Variants in BBS9 observed in about 807,000 individuals in gnomAD.
The protein encoded by BBS9 is protein PTHB1.
In BBS9, 89 loss-of-function variants were observed where a neutral mutation model predicts 117.7. The observed-to-expected ratio is 0.76, with a 90% CI of 0.64 to 0.90. BBS9 has a LOEUF of 0.90. BBS9 is among the 40% of genes least tolerant of loss of function. The pLI is 0.00. For synonymous variants in BBS9, 379 were observed against 370.9 expected (o/e 1.02, Z -0.25); for missense variants, 982 against 1,042.2 (o/e 0.94, Z 0.80).
chr7:33,579,350 A>T (rs1424176723), intron 21 of BBS9, among the ~76,000 whole-genome samples: 1 of 152,168 alleles, frequency 6.6e-6, no homozygotes, highest in African/African-American at 2.4e-5. Flanking sequence ...TAGTATTGCC[A>T]GGTCTTAGGG....
intron 21 of BBS9, among the ~76,000 whole-genome samples, chr7:33,580,664 T>A (rs1001652759): frequency 1.3e-5 from 2 of 152,140 alleles, no homozygotes; most frequent in Non-Finnish European, 2.9e-5. Flanking sequence ...ATAATTTCAC[T>A]GAGGAGAAAT....
rs147788117 is a variant in BBS9, at chr7:33,520,144, G to A, written c.2299-13810G>A. 2.1e-3 allele frequency among the ~76,000 whole-genome samples: 320 copies of A among 152,014 alleles called. 1 individual carries two copies. Among genetic ancestry groups the A allele is most frequent in the African/African-American group, 7.3e-3 (303 of 41,464 alleles). On this transcript the variant is annotated intron_variant, in intron 20 of 22. Transcript: ENST00000242067. ...CTGCCTCAGCCTCTTGAGTAGCTGGGATTACAGGCACCTGACACTGCACCC... is the reference window on the plus strand; with the variant it reads ...CTGCCTCAGCCTCTTGAGTAGCTGGAATTACAGGCACCTGACACTGCACCC...
intron 1 of BBS9, among the ~76,000 whole-genome samples, chr7:33,140,313 C>A (rs1466152192): frequency 2.0e-5 from 3 of 152,124 alleles, no homozygotes; most frequent in Admixed American, 1.3e-4. Context: ...CATGAGCCAC[C>A]GCACCCAGCC....
At chr7:33,226,214 A>G (rs1433142328) in intron 5 of BBS9, among the ~76,000 whole-genome samples, 1 of 152,158 alleles carries the variant, frequency 6.6e-6, no homozygotes, top group Non-Finnish European at 1.5e-5. Flanking sequence ...AAAATTTCTC[A>G]TCTCTATAGT....
intron 21 of BBS9, among the ~76,000 whole-genome samples, chr7:33,586,114 G>T (rs957992442): frequency 6.6e-6 from 1 of 151,980 alleles, no homozygotes; most frequent in Non-Finnish European, 1.5e-5. Flanking sequence ...TGGGTAATTT[G>T]CCCGGGAGCT....
intron 1 of BBS9, among the ~76,000 whole-genome samples, chr7:33,132,879 T>G (rs1242206461): frequency 6.6e-6 from 1 of 152,238 alleles, no homozygotes; most frequent in Admixed American, 6.5e-5. Flanking sequence ...GGGCAGAATT[T>G]ATTTTGCTGA....
intron 2 of BBS9, 32 bp from the exon 3 acceptor site, chr7:33,152,669 C>T: frequency 1.9e-6 from 3 of 1,571,516 alleles, no homozygotes; most frequent in Non-Finnish European, 2.6e-6. Flanking sequence ...TTTGTTTCTC[C>T]CTCTATCTTT....
intron 21 of BBS9, among the ~76,000 whole-genome samples, chr7:33,628,989 T>C (rs1865766232): frequency 1.3e-5 from 2 of 152,232 alleles, no homozygotes; most frequent in Admixed American, 6.5e-5. Context: ...CAGAGAACCA[T>C]GAGCATGAGG....
intron 4 of BBS9, among the ~76,000 whole-genome samples, chr7:33,166,469 A>C (rs1033697646): frequency 1.3e-5 from 2 of 152,242 alleles, no homozygotes; most frequent in Non-Finnish European, 2.9e-5. Context: ...CCAGAGGTGG[A>C]GTCTACAGAG....
At chr7:33,371,594 G>A (rs1395427869) in intron 17 of BBS9, among the ~76,000 whole-genome samples, 2 of 152,156 alleles carry the variant, frequency 1.3e-5, no homozygotes, top group African/African-American at 4.8e-5. Flanking sequence ...GGGATGGGAT[G>A]CAGAAGCTTG....
At chr7:33,490,436 C>T (rs6964756) in intron 19 of BBS9, among the ~76,000 whole-genome samples, 87,228 of 152,028 alleles carry the variant, frequency 0.57, 26,989 homozygotes, top group African/African-American at 0.82. Context: ...TGTCATGTCC[C>T]TTTTTGTTTA....
At chr7:33,428,315 G>A (rs370111056) in intron 19 of BBS9, among the ~76,000 whole-genome samples, 37 of 152,230 alleles carry the variant, frequency 2.4e-4, no homozygotes, top group South Asian at 1.9e-3. Context: ...TCAATATGCC[G>A]AATTCAAATA....
At chr7:33,303,526 C>CCA (rs141879905) in intron 9 of BBS9, among the ~76,000 whole-genome samples, 11,381 of 115,500 alleles carry the variant, frequency 0.099, 1,305 homozygotes, top group South Asian at 0.17. Flanking sequence ...ATCCCCTCCC[C>CCA]CCGCCCCTTC....
At chr7:33,441,334 A>G (rs1360428451) in intron 19 of BBS9, among the ~76,000 whole-genome samples, 1 of 152,110 alleles carries the variant, frequency 6.6e-6, no homozygotes, top group Non-Finnish European at 1.5e-5. Context: ...AATCTTTCAA[A>G]TCTTGGAAAC....
intron 17 of BBS9, among the ~76,000 whole-genome samples, chr7:33,379,286 A>C (rs1824498115): frequency 6.6e-6 from 1 of 152,148 alleles, no homozygotes; most frequent in South Asian, 2.1e-4. Context: ...GGGCCAGATG[A>C]TACAGTTCTT....
chr7:33,557,326 T>G (rs991819205), intron 21 of BBS9, among the ~76,000 whole-genome samples: 2 of 152,200 alleles, frequency 1.3e-5, no homozygotes, highest in African/African-American at 4.8e-5. Context: ...CTTTTCGAAT[T>G]AGCTAGAAGG....
At chr7:33,543,928 G>A (rs751949551) in intron 21 of BBS9, among the ~76,000 whole-genome samples, 4 of 152,156 alleles carry the variant, frequency 2.6e-5, no homozygotes, top group South Asian at 2.1e-4. Context: ...GTTGGATTGG[G>A]TTAATTCAAA....
chr7:33,318,726 AC>A (rs1285150224), intron 9 of BBS9, among the ~76,000 whole-genome samples: 1 of 150,660 alleles, frequency 6.6e-6, no homozygotes, highest in Non-Finnish European at 1.5e-5. Flanking sequence ...TTTATCCCTC[AC>A]CCCCCTTCCT....
chr7:33,138,577 G>C (rs6973757), intron 1 of BBS9, among the ~76,000 whole-genome samples: 22,594 of 150,952 alleles, frequency 0.15, 2,310 homozygotes, highest in South Asian at 0.22. Context: ...GGGGATTTCA[G>C]GAGCTAACGA....
Sources: allele counts gnomAD v4.1 joint callset (sites outside exome capture counted in the v4.1 genomes callset), GRCh38; gene constraint gnomAD v4.1.1; transcripts MANE v1.5; gene names NCBI Gene and HGNC (gene_info 2026-07-23, HGNC 2026-07-21).